ZNF284: variants seen among roughly 807,000 people sequenced by gnomAD.
ZNF284 encodes zinc finger protein 284.
Under a neutral mutation model 12.9 loss-of-function variants are expected in ZNF284, and 12 were observed. The ratio of observed to expected loss-of-function variants is 0.93; its 90% CI spans 0.60 to 1.51. ZNF284 has a LOEUF of 1.51. Ranked by LOEUF, ZNF284 falls within the 40% of genes most tolerant of loss-of-function variation. The pLI, the probability that ZNF284 is intolerant of heterozygous loss-of-function variation, is 0.00. For synonymous variants in ZNF284, 225 were observed against 236.5 expected, an observed-to-expected ratio of 0.95 and a Z score of 0.45; for missense variants, 667 against 707.3, an observed-to-expected ratio of 0.94 and a Z score of 0.65.
chr19:44,085,664 C>G (rs573442748), intron 4 of ZNF284, 50 bp from the exon 5 acceptor site: 7 of 1,476,448 alleles, frequency 4.7e-6, no homozygotes, highest in Non-Finnish European at 6.5e-6. Flanking sequence ...CCTGAAAACA[C>G]TGAACAAAGG....
At position 44,088,094 on chromosome 19, in the gene ZNF284, G is replaced by T. The variant is rs149114038; in HGVS notation, c.*834G>T. 6.6e-6 allele frequency: 1 copy of T among 151,956 alleles called. No homozygotes were observed. The highest frequency in any genetic ancestry group is 2.4e-5 in the African/African-American group (1 of 41,354). 9.4% of individuals were successfully genotyped at this position (151,956 alleles called of 1,614,324 possible). ...ATGCCTAAAAATTTTTGTATTTTTA[G>T]TGAAGATGGGGTTTCACCACATTGG... On this transcript the variant is annotated 3_prime_UTR_variant, in exon 5 of 5. Coordinates refer to ENST00000421176, the MANE Select transcript of ZNF284 (RefSeq NM_001037813.4).
Position 44,086,067 on chromosome 19 carries a change from C to T in ZNF284, c.589C>T (p.His197Tyr). The T allele has an allele frequency of 6.2e-7, 1 of 1,614,164 alleles. No homozygotes were observed. The highest frequency in any genetic ancestry group is 1.1e-5 in the South Asian group (1 of 91,084). The change falls in exon 5 of 5, where the codon CAC becomes TAC. Residue 197 changes from histidine (H) to tyrosine (Y), a missense_variant. Physicochemically the swap from His to Tyr is moderately conservative, Grantham distance 83 (BLOSUM62 2). Coordinates refer to ENST00000421176, the MANE Select transcript of ZNF284 (RefSeq NM_001037813.4). ...SSALCLHQKV[H>Y]MGEKRYKCDV... ...AGCTCTTTGTCTTCATCAGAAAGTT[C>T]ACATGGGAGAGAAACGCTATAAGTG...
chr19:44,084,834 T>C (rs1294549847), intron 4 of ZNF284, among the ~76,000 whole-genome samples: 2 of 152,088 alleles, frequency 1.3e-5, no homozygotes, highest in East Asian at 1.9e-4. Flanking sequence ...GCTCTCAAAA[T>C]AGCGCTGTGC....
chr19:44,077,944 G>C (rs182086988), intron 2 of ZNF284, among the ~76,000 whole-genome samples: 7 of 152,216 alleles, frequency 4.6e-5, no homozygotes, highest in Admixed American at 2.0e-4. Flanking sequence ...GGTGCACCTA[G>C]TACTCCAGGC....
In ZNF284 at chr19:44,085,940, A is replaced by C; in HGVS notation, c.462A>C (p.Lys154Asn). Residue 154 changes from lysine (K) to asparagine (N), a missense_variant, in exon 5 of 5, where the codon AAA becomes AAC. Physicochemically the swap from Lys to Asn is moderately conservative, Grantham distance 94. Coordinates refer to ENST00000421176, the MANE Select transcript of ZNF284 (RefSeq NM_001037813.4). ...CTTCTGAGCATGGGAAGTGTAAAAA[A>C]TTCTTCAGTGATGTCTCCATCCTTG... ...ETPSEHGKCKKFFSDVSILDL... is the reference protein window; with the variant it reads ...ETPSEHGKCKNFFSDVSILDL... 1 of 1,614,188 alleles carries C rather than the reference A, an allele frequency of 6.2e-7. No homozygotes were observed. Among genetic ancestry groups the C allele is most frequent in the Non-Finnish European group, 8.5e-7 (1 of 1,180,020 alleles).
chr19:44,081,240 A>C, intron 3 of ZNF284, 99 bp downstream of exon 3: 2 of 1,391,812 alleles, frequency 1.4e-6, no homozygotes. Flanking sequence ...GCTATGAAGA[A>C]ATACCCAAGA....
chr19:44,077,535 C>CT (rs763788955), intron 2 of ZNF284, among the ~76,000 whole-genome samples: 831 of 76,188 alleles, frequency 0.011, 2 homozygotes, highest in Non-Finnish European at 0.012. Flanking sequence ...ATTTTTCTGT[C>CT]TTTTTTTTTT....
intron 4 of ZNF284, among the ~76,000 whole-genome samples, chr19:44,083,504 G>GTATATATATATATAT (rs1568522612): frequency 1.1e-5 from 1 of 88,102 alleles, no homozygotes; most frequent in Admixed American, 1.1e-4. Flanking sequence ...GAGAGAGAGG[G>GTATATATATATATAT]AATGGAATAC....
At chr19:44,079,115 G>T (rs1221817167) in intron 2 of ZNF284, among the ~76,000 whole-genome samples, 2 of 152,058 alleles carry the variant, frequency 1.3e-5, no homozygotes, top group Non-Finnish European at 2.9e-5. Flanking sequence ...TGATCAGACG[G>T]GAGAGTAAGG....
intron 1 of ZNF284, among the ~76,000 whole-genome samples, chr19:44,073,799 C>T (rs1301673462): frequency 6.6e-6 from 1 of 152,066 alleles, no homozygotes; most frequent in African/African-American, 2.4e-5. Context: ...CCACCAGCCT[C>T]GGCCTCCCAA....
intron 4 of ZNF284, 137 bp from the exon 5 acceptor site, chr19:44,085,577 A>T: frequency 1.4e-6 from 1 of 737,520 alleles, no homozygotes; most frequent in Non-Finnish European, 2.2e-6. Context: ...ACAACGAGAG[A>T]CCGTGGTGCA....
chr19:44,083,507 T>TATA (rs1967170793), intron 4 of ZNF284, among the ~76,000 whole-genome samples: 3 of 89,562 alleles, frequency 3.3e-5, no homozygotes, highest in Admixed American at 1.2e-4. Flanking sequence ...AGAGAGGGAA[T>TATA]GGAATACCAT....
chr19:44,074,300 C>T (rs1599875725), intron 1 of ZNF284, among the ~76,000 whole-genome samples: 2 of 152,088 alleles, frequency 1.3e-5, no homozygotes, highest in Middle Eastern at 6.8e-3. Flanking sequence ...TTGCAGTGAG[C>T]CAAGATTGCA....
chr19:44,085,865 C>A lies in ZNF284; in HGVS notation c.387C>A (p.Val129=). The A allele has an allele frequency of 6.2e-7, 1 of 1,614,140 alleles. No individual in the cohort carries two copies. ...CTCAGTTCTCCACACAAGGTGATGT[C>A]CCCTCCCAGGTTGACGCAGGACTAT... ...SSSQFSTQGD[V]PSQVDAGLSI... The change falls in exon 5 of 5, where the codon GTC becomes GTA. Residue 129 remains valine, a synonymous_variant. Transcript: ENST00000421176.
At chr19:44,076,601 G>A (rs919492476) in intron 2 of ZNF284, among the ~76,000 whole-genome samples, 197 bp downstream of exon 2, 4 of 152,086 alleles carry the variant, frequency 2.6e-5, no homozygotes, top group African/African-American at 9.7e-5. Flanking sequence ...CATTATTTAT[G>A]TTATGAGTAG....
Position 44,083,311 on chromosome 19 carries a change from G to T in ZNF284, c.235+1206G>T, listed in dbSNP as rs377635523. ...TAGCTGGGTGTGGTAGCACAGTCCT[G>T]TAATCCCAGCTACTCGGGTGGCTGA... On this transcript the variant is annotated intron_variant, in intron 4 of 4. Transcript: ENST00000421176. Among the ~76,000 whole-genome samples, 173 of 151,682 alleles carry T rather than the reference G, an allele frequency of 1.1e-3. No individual in the cohort carries two copies. The Middle Eastern group carries it at 0.014, about 12-fold the overall frequency.
chr19:44,078,286 C>G (rs570899264), intron 2 of ZNF284, among the ~76,000 whole-genome samples: 1 of 152,136 alleles, frequency 6.6e-6, no homozygotes, highest in South Asian at 2.1e-4. Flanking sequence ...ATGAGATTAT[C>G]AAAATCACAG....
Position 44,087,233 on chromosome 19 carries a change from T to G in ZNF284, c.1755T>G (p.Ile585Met), listed in dbSNP as rs761322308. ...RYERRLNLDM[I>M]LSLFLNDI ...AGAGGCGCTTGAATCTAGATATGAT[T>G]TTATCATTATTTTTAAATGATATAT... Residue 585 changes from isoleucine to methionine, a missense_variant, in exon 5 of 5, where the codon ATT becomes ATG. Ile to Met is a conservative substitution (Grantham distance 10). Coordinates refer to ENST00000421176, the MANE Select transcript of ZNF284 (RefSeq NM_001037813.4). The G allele has an allele frequency of 4.5e-6, 7 of 1,569,144 alleles. No individual in the cohort carries two copies. The highest frequency in any genetic ancestry group is 2.4e-5 in the South Asian group (2 of 84,422).
intron 2 of ZNF284, among the ~76,000 whole-genome samples, chr19:44,080,564 C>T (rs1446673592): frequency 5.3e-5 from 8 of 151,920 alleles, no homozygotes; most frequent in East Asian, 1.9e-4. Context: ...CCAGCCTGGG[C>T]GACAGAGTGA....
Sources: allele counts gnomAD v4.1 joint callset (sites outside exome capture counted in the v4.1 genomes callset), GRCh38; gene constraint gnomAD v4.1.1; transcripts MANE v1.5; gene names NCBI Gene and HGNC (gene_info 2026-07-23, HGNC 2026-07-21).